FBXO21: variants seen among roughly 807,000 people sequenced by gnomAD.
FBXO21 encodes F-box only protein 21.
Under a neutral mutation model 76.6 loss-of-function variants are expected in FBXO21, and 32 were observed. The observed-to-expected ratio is 0.42, with a 90% CI of 0.32 to 0.56. The LOEUF (loss-of-function observed/expected upper bound fraction) is 0.56, where lower values mean the gene tolerates loss of function less well. FBXO21 is among the 20% of genes least tolerant of loss of function. The probability of loss-of-function intolerance (pLI) is 0.16; values close to 1 mark genes in which losing one functional copy is unlikely to be tolerated. For missense variants in FBXO21, 586 were observed against 797.3 expected (o/e 0.73, Z 3.19); for synonymous variants, 328 against 311.5 (o/e 1.05, Z -0.56).
At chr12:117,166,321 T>C (rs1956053648) in intron 8 of FBXO21, among the ~76,000 whole-genome samples, 1 of 152,046 alleles carries the variant, frequency 6.6e-6, no homozygotes, top group African/African-American at 2.4e-5. Flanking sequence ...ACACAGAATA[T>C]ATGACACCAA....
intron 7 of FBXO21, among the ~76,000 whole-genome samples, chr12:117,170,696 G>A (rs1243031772): frequency 1.3e-5 from 2 of 152,154 alleles, no homozygotes; most frequent in Non-Finnish European, 2.9e-5. Flanking sequence ...GCATTATAGT[G>A]TATGTCTGCT....
At chr12:117,165,415 T>C in intron 9 of FBXO21, 70 bp downstream of exon 9, 1 of 1,446,072 alleles carries the variant, frequency 6.9e-7, no homozygotes, top group Non-Finnish European at 9.4e-7. Context: ...GATAAGCTTG[T>C]CACGGGCACC....
chr12:117,165,346 C>T (rs1956041594), intron 9 of FBXO21, 139 bp downstream of exon 9: 1 of 872,506 alleles, frequency 1.1e-6, no homozygotes. Flanking sequence ...AAAAATCTAC[C>T]AATGGGTTAT....
At position 117,158,044 on chromosome 12, in the gene FBXO21, T is replaced by A; in HGVS notation, c.1346A>T (p.His449Leu). Reference protein sequence around the residue: ...WPEKVLDILQHIQTLDPGQHG... With the variant: ...WPEKVLDILQLIQTLDPGQHG... ...CTGCCCCGGGTCTAGGGTTTGGATG[T>A]GCTGGAGGATGTCAAGCACCTTCAA... The change falls in exon 10 of 12, where the codon CAC becomes CTC. Residue 449 changes from histidine (H) to leucine (L), a missense_variant. His to Leu is a moderately conservative substitution (Grantham distance 99). Transcript: ENST00000622495. 1 of 1,614,196 alleles carries A rather than the reference T, an allele frequency of 6.2e-7. No homozygotes were observed. The highest frequency in any genetic ancestry group is 8.5e-7 in the Non-Finnish European group (1 of 1,180,032).
In FBXO21 at chr12:117,146,152, G is replaced by C. The variant is rs148630437; in HGVS notation, c.1801C>G (p.Leu601Val). The C allele has an allele frequency of 1.9e-6, 3 of 1,614,000 alleles. No individual in the cohort carries two copies. Among genetic ancestry groups the C allele is most frequent in the Non-Finnish European group, 1.7e-6 (2 of 1,179,978 alleles). ...TGCACCGTTTCATAGACAAACTCCA[G>C]ATCTTCTGGATACCGGATCTCCAGC... ...AELEIRYPEDLEFVYETVQNI... is the reference protein window; with the variant it reads ...AELEIRYPEDVEFVYETVQNI... Residue 601 changes from leucine (L) to valine (V), a missense_variant, in exon 12 of 12, where the codon CTG (leucine) becomes GTG (valine). Around this residue, in one of 6 missense-constraint regions of FBXO21, gnomAD observed 164 missense variants for 236.7 expected, o/e 0.69. Transcript: ENST00000622495.
chr12:117,183,129 T>G (rs562078614), intron 3 of FBXO21, among the ~76,000 whole-genome samples: 1 of 152,300 alleles, frequency 6.6e-6, no homozygotes, highest in South Asian at 2.1e-4. Flanking sequence ...TCAAAATATG[T>G]GTGTTGGGTA....
intron 9 of FBXO21, among the ~76,000 whole-genome samples, chr12:117,165,121 A>G (rs1956037535): frequency 6.6e-6 from 1 of 152,192 alleles, no homozygotes; most frequent in African/African-American, 2.4e-5. Context: ...TTCATGGCCA[A>G]TGTAGTTGCT....
chr12:117,157,365 C>G (rs983197311), intron 10 of FBXO21, among the ~76,000 whole-genome samples: 1 of 152,154 alleles, frequency 6.6e-6, no homozygotes, highest in Non-Finnish European at 1.5e-5. Context: ...CAGGTAAGTA[C>G]ACTTTTAAAG....
At chr12:117,170,352 A>G (rs1241775620) in intron 7 of FBXO21, among the ~76,000 whole-genome samples, 3 of 152,226 alleles carry the variant, frequency 2.0e-5, no homozygotes, top group Non-Finnish European at 2.9e-5. Flanking sequence ...GCTCCAATCA[A>G]CAGACACATA....
intron 3 of FBXO21, among the ~76,000 whole-genome samples, chr12:117,183,255 C>CTT (rs34160051): frequency 0.065 from 9,520 of 147,270 alleles, 1,020 homozygotes; most frequent in African/African-American, 0.22. Context: ...CTGTTTAACA[C>CTT]TTTTTTTTTT....
intron 9 of FBXO21, among the ~76,000 whole-genome samples, chr12:117,162,536 T>TA (rs1436113202): frequency 1.3e-5 from 2 of 152,196 alleles, no homozygotes; most frequent in Non-Finnish European, 1.5e-5. Flanking sequence ...ACTCCCGACT[T>TA]AAAATCTCAC....
chr12:117,151,504 T>C (rs995794089), intron 11 of FBXO21, among the ~76,000 whole-genome samples: 3 of 152,228 alleles, frequency 2.0e-5, no homozygotes, highest in Non-Finnish European at 4.4e-5. Flanking sequence ...CCTGGGCTAA[T>C]AGGATCATTG....
intron 2 of FBXO21, among the ~76,000 whole-genome samples, chr12:117,188,591 G>GA (rs1956310644): frequency 1.5e-5 from 2 of 131,524 alleles, no homozygotes; most frequent in Middle Eastern, 3.7e-3. Context: ...TTTGAGGAAA[G>GA]AAAAAAAGAA....
intron 9 of FBXO21, among the ~76,000 whole-genome samples, chr12:117,160,824 G>A (rs183908370): frequency 2.0e-5 from 3 of 152,130 alleles, no homozygotes; most frequent in Non-Finnish European, 4.4e-5. Flanking sequence ...GGTAGAGACC[G>A]GGTTTTGTCA....
chr12:117,147,772 C>G (rs1041127835), intron 11 of FBXO21, among the ~76,000 whole-genome samples: 5 of 152,156 alleles, frequency 3.3e-5, no homozygotes, highest in Non-Finnish European at 2.9e-5. Context: ...GGTGTGGCCC[C>G]TGATGCAGGA....
intron 11 of FBXO21, among the ~76,000 whole-genome samples, chr12:117,149,700 C>A (rs954801875): frequency 1.2e-4 from 19 of 152,240 alleles, no homozygotes; most frequent in African/African-American, 4.1e-4. Context: ...ACAAGCCCTG[C>A]TCCAGAGACC....
intron 9 of FBXO21, among the ~76,000 whole-genome samples, chr12:117,161,123 G>C (rs1565998887): frequency 6.6e-6 from 1 of 152,096 alleles, no homozygotes; most frequent in Non-Finnish European, 1.5e-5. Context: ...GGAAGGGCAA[G>C]CACAGGAACG....
In FBXO21 at chr12:117,177,576, A is replaced by C; in HGVS notation, c.536T>G (p.Leu179Ter). The change falls in exon 4 of 12, where the codon TTA becomes TGA. Residue 179 changes from leucine to a stop codon, truncating the protein, a stop_gained. Coordinates refer to ENST00000622495, the MANE Select transcript of FBXO21 (RefSeq NM_015002.3). LOFTEE classifies it high-confidence loss of function. ...ILYYLRQQKI[L>*]NNLKAFLQQP... is the part of the protein sequence containing the mutation. ...CTGAAGAAAGGCCTTAAGATTATTTAAGATCTTCTGTTGCCGCAGGTAGTA... is the reference window on the plus strand; with the variant it reads ...CTGAAGAAAGGCCTTAAGATTATTTCAGATCTTCTGTTGCCGCAGGTAGTA... 6.2e-7 allele frequency: 1 copy of C among 1,613,988 alleles called. No individual in the cohort carries two copies.
intron 7 of FBXO21, among the ~76,000 whole-genome samples, chr12:117,170,067 G>GTATCTAGA (rs1281828665): frequency 2.2e-5 from 3 of 138,750 alleles, no homozygotes; most frequent in Non-Finnish European, 3.0e-5. Flanking sequence ...GATCCAAACT[G>GTATCTAGA]TATCTAGATA....
Sources: allele counts gnomAD v4.1 joint callset (sites outside exome capture counted in the v4.1 genomes callset), GRCh38; gene constraint gnomAD v4.1.1; regional missense constraint gnomAD v4.1.1; transcripts MANE v1.5; gene names NCBI Gene and HGNC (gene_info 2026-07-23, HGNC 2026-07-21).